Variants in PHACTR1 observed in about 807,000 individuals in gnomAD.
PHACTR1 encodes phosphatase and actin regulator 1.
A neutral mutation model predicts 69.2 loss-of-function variants in PHACTR1; 16 were observed. The observed-to-expected ratio is 0.23, with a 90% CI of 0.16 to 0.35. The LOEUF is 0.35. Ranked by LOEUF, PHACTR1 falls within the 10% of genes least tolerant of loss-of-function variation. The pLI, the probability that PHACTR1 is intolerant of heterozygous loss-of-function variation, is 1.00. For missense variants in PHACTR1, 510 were observed against 734.7 expected (o/e 0.69, Z 3.54); for synonymous variants, 312 against 284.5 (o/e 1.10, Z -0.97).
chr6:12,816,266 T>A (rs1390622877), intron 4 of PHACTR1, among the ~76,000 whole-genome samples: 1 of 152,238 alleles, frequency 6.6e-6, no homozygotes, highest in Non-Finnish European at 1.5e-5. Flanking sequence ...TACCCTCTTG[T>A]GGGAAGCCCC....
chr6:12,817,479 GT>G (rs1775718174), intron 4 of PHACTR1, among the ~76,000 whole-genome samples: 1 of 152,194 alleles, frequency 6.6e-6, no homozygotes, highest in African/African-American at 2.4e-5. Flanking sequence ...CCTTGGACGA[GT>G]TTATCTTTCT....
chr6:13,089,551 A>G (rs1812879059), intron 5 of PHACTR1, among the ~76,000 whole-genome samples: 1 of 152,178 alleles, frequency 6.6e-6, no homozygotes, highest in Admixed American at 6.5e-5. Context: ...TGAGAACTTG[A>G]AGAGACTTTA....
At chr6:13,083,603 T>C (rs377384485) in intron 5 of PHACTR1, among the ~76,000 whole-genome samples, 1 of 152,268 alleles carries the variant, frequency 6.6e-6, no homozygotes, top group South Asian at 2.1e-4. Flanking sequence ...CATTTGTTTG[T>C]ATCCTCTTTT....
At chr6:12,819,690 ATATTAT>A in intron 4 of PHACTR1, among the ~76,000 whole-genome samples, 1 of 152,258 alleles carries the variant, frequency 6.6e-6, no homozygotes, top group South Asian at 2.1e-4. Flanking sequence ...TATAGAGATG[ATATTAT>A]TATTATTTTT....
intron 4 of PHACTR1, among the ~76,000 whole-genome samples, chr6:12,911,617 T>C (rs1582439259): frequency 6.6e-6 from 1 of 152,098 alleles, no homozygotes; most frequent in Non-Finnish European, 1.5e-5. Context: ...AAAGATTATC[T>C]AGTTCAAAAG....
rs143860037 is a variant in PHACTR1, at chr6:12,791,445, G to T, written c.250+41655G>T. On this transcript the variant is annotated intron_variant, in intron 4 of 14. Transcript: ENST00000332995. ...ATCCCACTCCACAATGAAACGACCG[G>T]AACAAAGCCTTACGGTGAAGTATGA... 4.0e-3 allele frequency among the ~76,000 whole-genome samples: 611 copies of T among 152,240 alleles called. 5 individuals are homozygous for T. The highest frequency in any genetic ancestry group is 0.014 in the African/African-American group (590 of 41,526).
chr6:12,868,650 G>A (rs1781720320), intron 4 of PHACTR1, among the ~76,000 whole-genome samples: 1 of 152,110 alleles, frequency 6.6e-6, no homozygotes, highest in African/African-American at 2.4e-5. Flanking sequence ...AGAGGGGAAA[G>A]AGAAGAAAGT....
At chr6:13,217,465 G>A (rs1485085006) in intron 8 of PHACTR1, among the ~76,000 whole-genome samples, 2 of 152,232 alleles carry the variant, frequency 1.3e-5, no homozygotes, top group Non-Finnish European at 2.9e-5. Context: ...GAAATAGAGA[G>A]TGCTGGGAGG....
intron 3 of PHACTR1, among the ~76,000 whole-genome samples, chr6:12,745,831 G>C (rs898573591): frequency 1.3e-5 from 2 of 152,202 alleles, no homozygotes; most frequent in Non-Finnish European, 2.9e-5. Context: ...TTTTATAGTG[G>C]AGGTGAATGG....
At chr6:13,067,089 T>C (rs867199454) in intron 5 of PHACTR1, among the ~76,000 whole-genome samples, 1 of 152,222 alleles carries the variant, frequency 6.6e-6, no homozygotes, top group Non-Finnish European at 1.5e-5. Context: ...CCAGGTAGAA[T>C]GTGCTTCAAC....
chr6:13,013,781 AGCGGCCGGC>A (rs1799742397), intron 4 of PHACTR1, among the ~76,000 whole-genome samples: 1 of 149,410 alleles, frequency 6.7e-6, no homozygotes, highest in Non-Finnish European at 1.5e-5. Context: ...GCTTATATAG[AGCGGCCGGC>A]GCGGGCGGGG....
At chr6:13,041,375 CACACAG>C (rs1344298873) in intron 4 of PHACTR1, among the ~76,000 whole-genome samples, 2 of 150,918 alleles carry the variant, frequency 1.3e-5, no homozygotes, top group African/African-American at 4.9e-5. Flanking sequence ...CACACACACA[CACACAG>C]AAGAGAAGAA....
chr6:12,944,754 A>ATTATTTATTTAT (rs1181743004), intron 4 of PHACTR1, among the ~76,000 whole-genome samples: 5 of 147,666 alleles, frequency 3.4e-5, no homozygotes, highest in South Asian at 2.1e-4. Context: ...CACCTTTTGA[A>ATTATTTATTTAT]TTATTTATTT....
At chr6:13,271,977 A>G (rs540838010) in intron 10 of PHACTR1, among the ~76,000 whole-genome samples, 52 of 152,318 alleles carry the variant, frequency 3.4e-4, no homozygotes, top group African/African-American at 1.3e-3. Flanking sequence ...TTTCTTCTAC[A>G]ATGATTCAGT....
chr6:12,951,965 C>T (rs1051414574), intron 4 of PHACTR1, among the ~76,000 whole-genome samples: 2 of 152,138 alleles, frequency 1.3e-5, no homozygotes, highest in Non-Finnish European at 2.9e-5. Flanking sequence ...AATGAATACT[C>T]GAGTAACTGA....
intron 10 of PHACTR1, among the ~76,000 whole-genome samples, chr6:13,261,306 A>G (rs1478405088): frequency 1.3e-5 from 2 of 152,190 alleles, no homozygotes; most frequent in African/African-American, 4.8e-5. Flanking sequence ...TGGAGAATAC[A>G]GTTGTTTGCC....
chr6:12,960,231 G>A (rs576139515), intron 4 of PHACTR1, among the ~76,000 whole-genome samples: 115 of 152,304 alleles, frequency 7.6e-4, no homozygotes, highest in African/African-American at 2.6e-3. Flanking sequence ...AGAACATCGC[G>A]TAGTGCTGTG....
At chr6:13,148,526 A>C (rs192209951) in intron 5 of PHACTR1, among the ~76,000 whole-genome samples, 24 of 152,222 alleles carry the variant, frequency 1.6e-4, no homozygotes, top group Admixed American at 1.3e-4. Context: ...ATCAAAATTC[A>C]TGAAGAATGC....
chr6:12,745,772 T>C (rs1405760661), intron 3 of PHACTR1, among the ~76,000 whole-genome samples: 1 of 151,836 alleles, frequency 6.6e-6, no homozygotes, highest in East Asian at 1.9e-4. Flanking sequence ...AACACTAGAG[T>C]ATTGGAGTTA....
Sources: allele counts gnomAD v4.1 joint callset (sites outside exome capture counted in the v4.1 genomes callset), GRCh38; gene constraint gnomAD v4.1.1; transcripts MANE v1.5; gene names NCBI Gene and HGNC (gene_info 2026-07-23, HGNC 2026-07-21).